The following ALDH1A2 variants were observed in gnomAD, a reference collection of about 807,000 sequenced individuals.
The protein encoded by ALDH1A2 is aldehyde dehydrogenase 1 family member A2.
Under a neutral mutation model 60.3 loss-of-function variants are expected in ALDH1A2, and 27 were observed. The observed-to-expected ratio is 0.45, with a 90% CI of 0.33 to 0.62. The LOEUF is 0.62. Ranked by LOEUF, ALDH1A2 falls within the 20% of genes least tolerant of loss-of-function variation. The pLI, the probability that ALDH1A2 is intolerant of heterozygous loss-of-function variation, is 0.02. For synonymous variants in ALDH1A2, 289 were observed against 232.4 expected (o/e 1.24, Z -2.21); for missense variants, 581 against 643.8 (o/e 0.90, Z 1.06).
At chr15:58,019,030 C>T (rs1464512682) in intron 1 of ALDH1A2, among the ~76,000 whole-genome samples, 1 of 151,928 alleles carries the variant, frequency 6.6e-6, no homozygotes, top group Admixed American at 6.6e-5. Context: ...TGTTAATTTC[C>T]TGATTTTTAT....
intron 1 of ALDH1A2, among the ~76,000 whole-genome samples, chr15:58,047,234 CG>C: frequency 6.6e-6 from 1 of 151,826 alleles, no homozygotes; most frequent in African/African-American, 2.4e-5. Flanking sequence ...AGTAATAAAA[CG>C]TTTTGTTTTT....
At chr15:58,033,850 AT>A (rs71297621) in intron 1 of ALDH1A2, among the ~76,000 whole-genome samples, 322 of 146,156 alleles carry the variant, frequency 2.2e-3, no homozygotes, top group Non-Finnish European at 2.9e-3. Flanking sequence ...ATTTTTCTGT[AT>A]TTTTTTTTTG....
intron 4 of ALDH1A2, among the ~76,000 whole-genome samples, chr15:58,002,086 T>C (rs1428302319): frequency 1.3e-5 from 2 of 151,884 alleles, no homozygotes; most frequent in East Asian, 3.9e-4. Flanking sequence ...AGAGGTAACT[T>C]TTCTGATGAG....
intron 1 of ALDH1A2, among the ~76,000 whole-genome samples, chr15:58,028,914 C>T (rs540064853): frequency 2.5e-4 from 38 of 152,196 alleles, no homozygotes; most frequent in Admixed American, 1.1e-3. Flanking sequence ...TCCTTAGAGA[C>T]CTACAAAGAG....
intron 1 of ALDH1A2, among the ~76,000 whole-genome samples, chr15:58,031,958 G>A (rs1896252460): frequency 6.6e-6 from 1 of 152,114 alleles, no homozygotes; most frequent in Non-Finnish European, 1.5e-5. Context: ...GATTCCTCAG[G>A]GATCTAGAAC....
chr15:58,028,070 G>T (rs1896127119), intron 1 of ALDH1A2, among the ~76,000 whole-genome samples: 1 of 152,108 alleles, frequency 6.6e-6, no homozygotes, highest in Admixed American at 6.5e-5. Context: ...TATTCCTCAA[G>T]AAGAGCAACC....
At chr15:58,057,636 G>C (rs956447419) in intron 1 of ALDH1A2, among the ~76,000 whole-genome samples, 17 of 152,236 alleles carry the variant, frequency 1.1e-4, no homozygotes, top group African/African-American at 3.6e-4. Context: ...CTTCTGCTGA[G>C]CTGGAAACAT....
At position 57,955,289 on chromosome 15, in the gene ALDH1A2, C is replaced by G; in HGVS notation, c.1485-20G>C. 9 of 1,613,768 alleles carry G rather than the reference C, an allele frequency of 5.6e-6. No homozygotes were observed. Among genetic ancestry groups the G allele is most frequent in the Non-Finnish European group, 7.6e-6 (9 of 1,179,854 alleles). ...TCTCCCCTGAAACACAGAAATGGGC[C>G]GGGTCAGATACCAGAAGTCCAGGGA... On this transcript the variant is annotated intron_variant, in intron 12 of 12. Coordinates refer to ENST00000249750, the MANE Select transcript of ALDH1A2 (RefSeq NM_003888.4).
Position 58,043,544 on chromosome 15 carries a change from CCT to C in ALDH1A2, c.117+21988_117+21989del, listed in dbSNP as rs1896568791. ...TCTCCATGACTGCTGCAGAGTATGC[CCT>C]CTGTGTTCTCAAATGTGACTGCCTT... On this transcript the variant is annotated intron_variant, in intron 1 of 12. Transcript: ENST00000249750. Among the ~76,000 whole-genome samples the C allele has an allele frequency of 2.0e-5, 3 of 151,886 alleles. No individual in the cohort carries two copies. In the South Asian group the frequency reaches 6.2e-4, roughly 32 times the overall value.
chr15:57,956,868 C>G (rs1893544943), intron 12 of ALDH1A2, among the ~76,000 whole-genome samples: 1 of 152,200 alleles, frequency 6.6e-6, no homozygotes, highest in South Asian at 2.1e-4. Context: ...GACTCTCTAA[C>G]TAGGTTGTGA....
chr15:57,954,636 G>A lies in ALDH1A2; in HGVS notation c.*561C>T. 2 of 174,778 alleles carry A rather than the reference G, an allele frequency of 1.1e-5. No homozygotes were observed. The highest frequency in any genetic ancestry group is 1.1e-4 in the Admixed American group (2 of 18,612). The allele number at this position is 174,778 out of a possible 1,614,324, so 10.8% of individuals were successfully genotyped here. Reference sequence around the variant, plus strand: ...ACCAGCTCCTGGCATTTTCATTCTGGTCTGACTCTAGCTAAAACCATTTCA... The same window carrying A: ...ACCAGCTCCTGGCATTTTCATTCTGATCTGACTCTAGCTAAAACCATTTCA... On this transcript the variant is annotated 3_prime_UTR_variant, in exon 13 of 13. Coordinates refer to ENST00000249750, the MANE Select transcript of ALDH1A2 (RefSeq NM_003888.4).
intron 1 of ALDH1A2, among the ~76,000 whole-genome samples, chr15:58,030,742 C>T (rs1160994017): frequency 2.0e-5 from 3 of 151,942 alleles, no homozygotes; most frequent in Middle Eastern, 3.2e-3. Context: ...ACACCAATAA[C>T]GGACAGAGAG....
intron 7 of ALDH1A2, among the ~76,000 whole-genome samples, chr15:57,972,744 A>C (rs192176799): frequency 1.3e-3 from 198 of 152,250 alleles, no homozygotes; most frequent in African/African-American, 4.5e-3. Context: ...TTCCACATGA[A>C]ACTGGTTTTT....
At chr15:58,037,712 C>T (rs908465616) in intron 1 of ALDH1A2, among the ~76,000 whole-genome samples, 3 of 151,654 alleles carry the variant, frequency 2.0e-5, no homozygotes, top group Non-Finnish European at 4.4e-5. Context: ...AGAAATTGTA[C>T]TGTCTGGAAG....
At chr15:57,962,304 A>C in intron 9 of ALDH1A2, 128 bp from the exon 10 acceptor site, 1 of 1,171,068 alleles carries the variant, frequency 8.5e-7, no homozygotes. Flanking sequence ...GATCATATAA[A>C]ACTGCTGTTA....
chr15:57,977,233 T>C (rs2140469166), intron 7 of ALDH1A2, among the ~76,000 whole-genome samples: 1 of 152,344 alleles, frequency 6.6e-6, no homozygotes, highest in Non-Finnish European at 1.5e-5. Flanking sequence ...TTTCTTTTGC[T>C]GTGCACAAGC....
chr15:58,060,779 A>G (rs1310244104), intron 1 of ALDH1A2, among the ~76,000 whole-genome samples: 7 of 152,230 alleles, frequency 4.6e-5, no homozygotes, highest in African/African-American at 1.7e-4. Context: ...CCAGGCAGAC[A>G]GTCCACAGTT....
chr15:58,054,740 G>T (rs1352471962), intron 1 of ALDH1A2, among the ~76,000 whole-genome samples: 1 of 152,066 alleles, frequency 6.6e-6, no homozygotes, highest in Non-Finnish European at 1.5e-5. Context: ...CATAAAAAAA[G>T]AAAACACTTT....
At position 57,959,542 on chromosome 15, in the gene ALDH1A2, A is replaced by G. The variant is rs34579465; in HGVS notation, c.1484+1228T>C. Among the ~76,000 whole-genome samples, 969 of 152,320 alleles carry G rather than the reference A, an allele frequency of 6.4e-3. 9 individuals carry two copies. The highest frequency in any genetic ancestry group is 0.02 in the Middle Eastern group (6 of 294). The stretch of plus-strand genomic sequence containing the variant: ...CATCTATATAACACTAATCTGCTTG[A>G]TGAATAATGATGATTGCAGCTAACA... On this transcript the variant is annotated intron_variant, in intron 12 of 12. Coordinates refer to ENST00000249750, the MANE Select transcript of ALDH1A2 (RefSeq NM_003888.4).
Sources: gnomAD v4.1 joint callset for allele counts (sites outside exome capture counted in the v4.1 genomes callset) on GRCh38, gnomAD v4.1.1 for gene constraint, MANE v1.5 for transcripts, NCBI Gene and HGNC (gene_info 2026-07-23, HGNC 2026-07-21) for gene names.